The following PCDH9 variants were observed in gnomAD, a reference collection of about 807,000 sequenced individuals.
The protein encoded by PCDH9 is protocadherin 9.
In PCDH9, 24 loss-of-function variants were observed where a neutral mutation model predicts 70.6. The ratio of observed to expected loss-of-function variants is 0.34; its 90% CI spans 0.25 to 0.48. The LOEUF (loss-of-function observed/expected upper bound fraction) is 0.48, where lower values mean the gene tolerates loss of function less well. PCDH9 is among the 20% of genes least tolerant of loss of function. The pLI is 0.99. For missense variants in PCDH9, 1,281 were observed against 1,503.6 expected, an observed-to-expected ratio of 0.85 and a Z score of 2.45; for synonymous variants, 562 against 558.5, an observed-to-expected ratio of 1.01 and a Z score of -0.09.
At chr13:67,125,820 TA>T (rs1195113720) in intron 2 of PCDH9, among the ~76,000 whole-genome samples, 1 of 147,494 alleles carries the variant, frequency 6.8e-6, no homozygotes, top group East Asian at 2.0e-4. Context: ...ATAATTAATT[TA>T]AAAATGTGTG....
At chr13:66,400,251 T>G (rs866774241) in intron 4 of PCDH9, among the ~76,000 whole-genome samples, 1 of 152,234 alleles carries the variant, frequency 6.6e-6, no homozygotes, top group African/African-American at 2.4e-5. Context: ...TATACCAGTC[T>G]GTTAAGACAC....
In PCDH9 at chr13:66,896,620, A is replaced by C. The variant is rs569981664; in HGVS notation, c.3138+6884T>G. Among the ~76,000 whole-genome samples the C allele has an allele frequency of 3.9e-5, 6 of 152,322 alleles. No individual in the cohort carries two copies. The South Asian group carries it at 1.2e-3, about 32-fold the overall frequency. Reference sequence around the variant, plus strand: ...TGTAAATATGCATATCTGCATTTACAATTAAGTATTTAAAAGTTTTAAAGC... The same window carrying C: ...TGTAAATATGCATATCTGCATTTACCATTAAGTATTTAAAAGTTTTAAAGC... On this transcript the variant is annotated intron_variant, in intron 3 of 4. Coordinates refer to ENST00000377865, the MANE Select transcript of PCDH9 (RefSeq NM_203487.3).
At chr13:66,753,509 A>G (rs1390153854) in intron 3 of PCDH9, among the ~76,000 whole-genome samples, 1 of 152,120 alleles carries the variant, frequency 6.6e-6, no homozygotes, top group Non-Finnish European at 1.5e-5. Flanking sequence ...AATGTAAAGC[A>G]GTAAAATTTT....
chr13:66,848,553 T>G (rs9317621), intron 3 of PCDH9, among the ~76,000 whole-genome samples: 58,113 of 152,014 alleles, frequency 0.38, 11,850 homozygotes, highest in Admixed American at 0.45. Context: ...TAAATAGCAC[T>G]CTACAACCCA....
At chr13:66,388,870 C>T (rs1021395373) in intron 4 of PCDH9, among the ~76,000 whole-genome samples, 1 of 152,016 alleles carries the variant, frequency 6.6e-6, no homozygotes, top group Non-Finnish European at 1.5e-5. Flanking sequence ...CACAGTAGGT[C>T]CATACATATT....
intron 2 of PCDH9, among the ~76,000 whole-genome samples, chr13:66,975,009 CTTTG>C (rs751316746): frequency 6.6e-5 from 10 of 151,910 alleles, no homozygotes; most frequent in South Asian, 2.1e-4. Flanking sequence ...GTTTTTACTC[CTTTG>C]TTTATTTTGA....
chr13:67,075,077 CA>C (rs796693913), intron 2 of PCDH9, among the ~76,000 whole-genome samples: 1,541 of 137,620 alleles, frequency 0.011, 13 homozygotes, highest in African/African-American at 0.021. Context: ...GTGATAGTGA[CA>C]AAAAAAAAAA....
intron 4 of PCDH9, among the ~76,000 whole-genome samples, chr13:66,361,170 A>G (rs1956465100): frequency 1.3e-5 from 2 of 152,132 alleles, no homozygotes; most frequent in Admixed American, 6.6e-5. Flanking sequence ...CGGACCCACA[A>G]TGACTTTACT....
At position 66,477,665 on chromosome 13, in the gene PCDH9, C is replaced by A. The variant is rs1020394084; in HGVS notation, c.3340+153545G>T. Reference sequence around the variant, plus strand: ...AGATTAAAATAATTAATATGTAAGACACTTATAGTGTTTTACATATTATGT... The same window carrying A: ...AGATTAAAATAATTAATATGTAAGAAACTTATAGTGTTTTACATATTATGT... On this transcript the variant is annotated intron_variant, in intron 4 of 4. Coordinates refer to ENST00000377865, the MANE Select transcript of PCDH9 (RefSeq NM_203487.3). Among the ~76,000 whole-genome samples the A allele has an allele frequency of 2.0e-5, 3 of 152,114 alleles. No individual in the cohort carries two copies. The South Asian group carries it at 6.2e-4, about 31-fold the overall frequency.
At chr13:66,553,480 T>C (rs892678072) in intron 4 of PCDH9, among the ~76,000 whole-genome samples, 1 of 152,192 alleles carries the variant, frequency 6.6e-6, no homozygotes, top group Non-Finnish European at 1.5e-5. Flanking sequence ...TTTTGAAAAG[T>C]GGCTTTATTA....
intron 2 of PCDH9, among the ~76,000 whole-genome samples, chr13:66,918,028 T>C (rs1484325622): frequency 2.6e-5 from 4 of 151,284 alleles, no homozygotes; most frequent in Non-Finnish European, 1.5e-5. Flanking sequence ...GGATGATTGG[T>C]TCCTTCCCAG....
chr13:66,797,623 T>C (rs1005726280), intron 3 of PCDH9, among the ~76,000 whole-genome samples: 12 of 152,196 alleles, frequency 7.9e-5, no homozygotes, highest in African/African-American at 2.7e-4. Context: ...CATGTGATAC[T>C]TTCTTTAAAA....
rs572026997 is a variant in PCDH9, at chr13:66,405,394, G to A, written c.3341-100366C>T. 6.6e-5 allele frequency among the ~76,000 whole-genome samples: 10 copies of A among 152,288 alleles called. No individual in the cohort carries two copies. The South Asian group carries it at 2.1e-3, about 32-fold the overall frequency. ...GCATCTTCCTTTGCAGAGATACTTA[G>A]CTATGATTGAACAAACCATTTTTCA... On this transcript the variant is annotated intron_variant, in intron 4 of 4. Coordinates refer to ENST00000377865, the MANE Select transcript of PCDH9 (RefSeq NM_203487.3).
intron 3 of PCDH9, among the ~76,000 whole-genome samples, chr13:66,881,865 A>T (rs995351721): frequency 1.3e-5 from 2 of 152,196 alleles, no homozygotes; most frequent in Non-Finnish European, 2.9e-5. Context: ...TGTTATAGGG[A>T]GGTAGAACAG....
At chr13:66,349,580 C>T (rs1956262643) in intron 4 of PCDH9, among the ~76,000 whole-genome samples, 1 of 152,150 alleles carries the variant, frequency 6.6e-6, no homozygotes, top group Non-Finnish European at 1.5e-5. Flanking sequence ...TGTGCCAGGG[C>T]TACCAAGTGC....
chr13:66,563,973 C>T (rs1044206626), intron 4 of PCDH9, among the ~76,000 whole-genome samples: 8 of 152,046 alleles, frequency 5.3e-5, no homozygotes, highest in Middle Eastern at 3.4e-3. Context: ...ACAGCCCTTT[C>T]GACAGAACAT....
intron 3 of PCDH9, among the ~76,000 whole-genome samples, chr13:66,779,617 T>C (rs780633095): frequency 1.2e-4 from 18 of 151,876 alleles, no homozygotes; most frequent in Non-Finnish European, 2.6e-4. Context: ...GGTCAAGAGA[T>C]TGAGACCATC....
intron 2 of PCDH9, among the ~76,000 whole-genome samples, chr13:66,923,258 C>T (rs1395622491): frequency 6.6e-6 from 1 of 151,478 alleles, no homozygotes; most frequent in Non-Finnish European, 1.5e-5. Context: ...TTATAATTGA[C>T]ACACATTTCA....
intron 2 of PCDH9, among the ~76,000 whole-genome samples, chr13:67,061,172 T>G (rs1458876629): frequency 1.3e-5 from 2 of 152,102 alleles, no homozygotes; most frequent in Non-Finnish European, 2.9e-5. Context: ...TTCAAATAAG[T>G]AACATTTCCT....
Sources: allele counts gnomAD v4.1 joint callset (sites outside exome capture counted in the v4.1 genomes callset), GRCh38; gene constraint gnomAD v4.1.1; transcripts MANE v1.5; gene names NCBI Gene and HGNC (gene_info 2026-07-23, HGNC 2026-07-21).